Variants in KDR observed in about 807,000 individuals in gnomAD.
KDR encodes kinase insert domain receptor.
A neutral mutation model predicts 160.9 loss-of-function variants in KDR; 43 were observed. That is an observed-to-expected ratio of 0.27 (90% CI 0.21 to 0.34). The LOEUF (loss-of-function observed/expected upper bound fraction) is 0.34. Among genes scored for constraint, KDR ranks in the 10% least tolerant of loss-of-function variants. The pLI, the probability that KDR is intolerant of heterozygous loss-of-function variation, is 1.00. For synonymous variants in KDR, 617 were observed against 600.1 expected, an observed-to-expected ratio of 1.03 and a Z score of -0.41; for missense variants, 1,469 against 1,666.4, an observed-to-expected ratio of 0.88 and a Z score of 2.06.
At position 55,095,633 on chromosome 4, in the gene KDR, A is replaced by G; in HGVS notation, c.2761T>C (p.Phe921Leu). 6.2e-7 allele frequency: 1 copy of G among 1,613,770 alleles called. No individual in the cohort carries two copies. Among genetic ancestry groups the G allele is most frequent in the Non-Finnish European group, 8.5e-7 (1 of 1,179,756 alleles). Reference sequence around the variant, plus strand: ...CTCAGGTAAGTGGACAGGTTTCCAAATTTGCAGAATTCCACAATCACCATG... The same window carrying G: ...CTCAGGTAAGTGGACAGGTTTCCAAGTTTGCAGAATTCCACAATCACCATG... ...PLMVIVEFCK[F>L]GNLSTYLRSK... The change falls in exon 20 of 30, where the codon TTT (phenylalanine) becomes CTT (leucine). Residue 921 changes from phenylalanine to leucine, a missense_variant. This residue lies in a region of KDR where 151 missense variants were observed against 207.2 expected (regional missense o/e 0.73). Transcript: ENST00000263923.
rs577461270 is a variant in KDR, at chr4:55,089,485, C to G, written c.3305-12G>C. Reference sequence around the variant, plus strand: ...ATATGGAGAAGCACCTAGAATAAAACAGGGAGGAGACATTCTTTGATTTGA... The same window carrying G: ...ATATGGAGAAGCACCTAGAATAAAAGAGGGAGGAGACATTCTTTGATTTGA... On this transcript the variant is annotated splice_polypyrimidine_tract_variant and intron_variant, in intron 24 of 29. Transcript: ENST00000263923. 1 of 1,583,096 alleles carries G rather than the reference C, an allele frequency of 6.3e-7. No homozygotes were observed. Among genetic ancestry groups the G allele is most frequent in the Admixed American group, 1.7e-5 (1 of 59,824 alleles).
At chr4:55,118,868 A>G (rs1260338333) in intron 2 of KDR, 68 bp from the exon 3 acceptor site, 1 of 1,406,404 alleles carries the variant, frequency 7.1e-7, no homozygotes, top group Non-Finnish European at 1.0e-6. Context: ...CTAAGAAAAG[A>G]GAAAATTTGG....
At chr4:55,083,779 C>T (rs1719793339) in intron 27 of KDR, among the ~76,000 whole-genome samples, 1 of 152,146 alleles carries the variant, frequency 6.6e-6, no homozygotes, top group Non-Finnish European at 1.5e-5. Flanking sequence ...TTCTCTCTCC[C>T]CTACCCCAAG....
Position 55,089,459 on chromosome 4 carries a change from G to A in KDR, c.3319C>T (p.Pro1107Ser). ...EIFSLGASPY[P>S]GVKIDEEFCR... Reference sequence around the variant, plus strand: ...AATTCTTCATCAATCTTTACCCCAGGATATGGAGAAGCACCTAGAATAAAA... The same window carrying A: ...AATTCTTCATCAATCTTTACCCCAGAATATGGAGAAGCACCTAGAATAAAA... The change falls in exon 25 of 30, where the codon CCT (proline) becomes TCT (serine). Residue 1107 changes from proline to serine, a missense_variant. This residue lies in a region of KDR where 132 missense variants were observed against 195.9 expected (regional missense o/e 0.67). Coordinates refer to ENST00000263923, the MANE Select transcript of KDR (RefSeq NM_002253.4). The A allele has an allele frequency of 6.2e-7, 1 of 1,611,888 alleles. No individual in the cohort carries two copies. Among genetic ancestry groups the A allele is most frequent in the Non-Finnish European group, 8.5e-7 (1 of 1,178,430 alleles).
At chr4:55,121,539 A>AGCCTCCTGAGTAG (rs1720874008) in intron 1 of KDR, among the ~76,000 whole-genome samples, 3 of 152,232 alleles carry the variant, frequency 2.0e-5, no homozygotes, top group African/African-American at 2.4e-5. Context: ...GAAAGGACCC[A>AGCCTCCTGAGTAG]CTGACATTTC....
intron 13 of KDR, 115 bp downstream of exon 13, chr4:55,104,528 A>G (rs1345117570): frequency 2.5e-6 from 2 of 804,492 alleles, no homozygotes; most frequent in African/African-American, 3.4e-5. Context: ...AGAAGTGTGC[A>G]CCAGTTTACA....
At position 55,110,480 on chromosome 4, in the gene KDR, G is replaced by A. The variant is rs766088315; in HGVS notation, c.1178C>T (p.Thr393Ile). ...GGTAAGGATGACAGTGTAATTTCCT[G>A]TGTCTCTTTCACTCACTTCCATAAT... is the stretch of plus-strand genomic sequence containing the variant. ...LTIMEVSERD[T>I]GNYTVILTNP... Residue 393 changes from threonine (T) to isoleucine (I), a missense_variant, in exon 9 of 30, where the codon ACA becomes ATA. Transcript: ENST00000263923. 5 of 1,613,756 alleles carry A rather than the reference G, an allele frequency of 3.1e-6. No individual in the cohort carries two copies. Among genetic ancestry groups the A allele is most frequent in the South Asian group, 2.2e-5 (2 of 91,068 alleles).
At chr4:55,098,495 C>T (rs1227868572) in intron 16 of KDR, among the ~76,000 whole-genome samples, 1 of 152,130 alleles carries the variant, frequency 6.6e-6, no homozygotes, top group Non-Finnish European at 1.5e-5. Context: ...ACAGTCCAAG[C>T]CCTTTTCCTC....
At chr4:55,080,472 G>A (rs951261375) in intron 29 of KDR, among the ~76,000 whole-genome samples, 2 of 152,164 alleles carry the variant, frequency 1.3e-5, no homozygotes, top group African/African-American at 4.8e-5. Context: ...TTATGGCCTC[G>A]CAGATTGACA....
At position 55,115,389 on chromosome 4, in the gene KDR, A is replaced by G; in HGVS notation, c.381T>C (p.Ala127=). The G allele has an allele frequency of 6.6e-7, 1 of 1,523,504 alleles. No individual in the cohort carries two copies. The allele number at this position is 1,523,504 out of a possible 1,614,324, so 94.4% of individuals were successfully genotyped here. The part of the protein sequence containing the change: ...YVQDYRSPFI[A]SVSDQHGVVY... ...CGACTCCATGTTGGTCACTAACAGA[A>G]GCAATAAATGGAGATCTGTAATCTA... The change falls in exon 4 of 30, where the codon GCT becomes GCC. Residue 127 remains alanine, a synonymous_variant. Coordinates refer to ENST00000263923, the MANE Select transcript of KDR (RefSeq NM_002253.4).
At position 55,081,978 on chromosome 4, in the gene KDR, TTC is replaced by T; in HGVS notation, c.3824_3825del (p.Arg1275AsnfsTer22). 1 of 1,613,352 alleles carries T rather than the reference TTC, an allele frequency of 6.2e-7. No individual in the cohort carries two copies. The highest frequency in any genetic ancestry group is 8.5e-7 in the Non-Finnish European group (1 of 1,179,274). ...ASEELKTLED[R>X]TKLSPSFGGM... ...TACCCAAAAGATGGAGATAATTTGG[TTC>T]TGTCTTCCAAAGTTTTCAGCTCTTC... On this transcript the variant is annotated frameshift_variant, in exon 29 of 30. Coordinates refer to ENST00000263923, the MANE Select transcript of KDR (RefSeq NM_002253.4). LOFTEE classifies it high-confidence loss of function.
At chr4:55,089,549 ATC>A in intron 24 of KDR, 76 bp from the exon 25 acceptor site, 1 of 1,350,218 alleles carries the variant, frequency 7.4e-7, no homozygotes, top group Non-Finnish European at 1.1e-6. Flanking sequence ...AATCTTGCAC[ATC>A]CTCATCACCT....
chr4:55,120,874 G>A (rs1720854424), intron 2 of KDR, among the ~76,000 whole-genome samples: 1 of 146,510 alleles, frequency 6.8e-6, no homozygotes, highest in African/African-American at 2.5e-5. Flanking sequence ...GTGTGTGTAT[G>A]CATGTTGGCA....
At chr4:55,084,695 T>C (rs1447927312) in intron 27 of KDR, among the ~76,000 whole-genome samples, 1 of 152,192 alleles carries the variant, frequency 6.6e-6, no homozygotes, top group East Asian at 1.9e-4. Context: ...ATGTGAAGTT[T>C]TTGTTTTGTT....
intron 12 of KDR, 57 bp from the exon 13 acceptor site, chr4:55,105,041 T>A: frequency 7.1e-7 from 1 of 1,398,940 alleles, no homozygotes; most frequent in East Asian, 2.3e-5. Context: ...CAGCTCACTA[T>A]CATCTTGCTG....
intron 27 of KDR, among the ~76,000 whole-genome samples, chr4:55,085,709 T>C (rs1428817705): frequency 1.3e-5 from 2 of 152,216 alleles, no homozygotes; most frequent in East Asian, 1.9e-4. Context: ...ATTTTTCAAA[T>C]TATGGCTGGA....
At chr4:55,106,041 C>A in intron 11 of KDR, 101 bp from the exon 12 acceptor site, 2 of 799,208 alleles carry the variant, frequency 2.5e-6, no homozygotes, top group South Asian at 2.7e-5. Context: ...CCTGCCTATG[C>A]CATTCCCACT....
chr4:55,092,213 A>G (rs919974002), intron 22 of KDR: 15 of 289,096 alleles, frequency 5.2e-5, no homozygotes, highest in East Asian at 8.2e-5. Context: ...TGTGTATTCT[A>G]TAACCCTTTC....
intron 1 of KDR, chr4:55,122,757 G>C (rs1720923596): frequency 1.3e-5 from 2 of 152,154 alleles, no homozygotes; most frequent in Non-Finnish European, 2.9e-5. Context: ...GTTTAGAACA[G>C]TTTTGTTCTT....
Sources: gnomAD v4.1 joint callset for allele counts (sites outside exome capture counted in the v4.1 genomes callset) on GRCh38, gnomAD v4.1.1 for gene constraint, gnomAD v4.1.1 regional missense constraint, MANE v1.5 for transcripts, NCBI Gene and HGNC (gene_info 2026-07-23, HGNC 2026-07-21) for gene names.